Variants in PLEKHA5 observed in about 807,000 individuals in gnomAD.
The protein encoded by PLEKHA5 is pleckstrin homology domain-containing family A member 5.
Under a neutral mutation model 181.9 loss-of-function variants are expected in PLEKHA5, and 55 were observed. The ratio of observed to expected loss-of-function variants is 0.30; its 90% CI spans 0.24 to 0.38. The LOEUF (loss-of-function observed/expected upper bound fraction) is 0.38, where lower values mean the gene tolerates loss of function less well. PLEKHA5 is among the 10% of genes least tolerant of loss of function. The probability of loss-of-function intolerance (pLI) is 1.00; values close to 1 mark genes in which losing one functional copy is unlikely to be tolerated. For missense variants in PLEKHA5, 1,432 were observed against 1,549.5 expected (o/e 0.92, Z 1.27); for synonymous variants, 535 against 529.4 (o/e 1.01, Z -0.15).
chr12:19,356,401 C>G lies in PLEKHA5; in HGVS notation c.3139-1827C>G, dbSNP rs1195803883. Among the ~76,000 whole-genome samples the G allele has an allele frequency of 2.0e-5, 3 of 151,866 alleles. No individual in the cohort carries two copies. The East Asian group carries it at 5.8e-4, about 29-fold the overall frequency. ...AGGCATGGTGGCCTGTGCCTATGGT[C>G]TCACCTACTCAAGAAGCTGAGATAG... is the stretch of plus-strand genomic sequence containing the variant. On this transcript the variant is annotated intron_variant, in intron 26 of 31. Transcript: ENST00000429027.
At chr12:19,335,013 G>C (rs1375137887) in intron 20 of PLEKHA5, among the ~76,000 whole-genome samples, 2 of 107,484 alleles carry the variant, frequency 1.9e-5, no homozygotes, top group African/African-American at 6.3e-5. Flanking sequence ...AGACTGGCAA[G>C]ATAGCTTCAG....
intron 3 of PLEKHA5, among the ~76,000 whole-genome samples, chr12:19,145,772 G>C (rs1255374744): frequency 6.6e-6 from 1 of 151,740 alleles, no homozygotes; most frequent in Non-Finnish European, 1.5e-5. Flanking sequence ...TAAAACAGTT[G>C]TTTTATAAAA....
At chr12:19,290,236 T>A (rs1023903212) in intron 13 of PLEKHA5, among the ~76,000 whole-genome samples, 4 of 152,190 alleles carry the variant, frequency 2.6e-5, no homozygotes, top group African/African-American at 7.2e-5. Context: ...CGGACTACAT[T>A]TATTTTAATT....
intron 3 of PLEKHA5, among the ~76,000 whole-genome samples, chr12:19,223,267 G>T (rs2059245634): frequency 6.6e-6 from 1 of 152,110 alleles, no homozygotes; most frequent in Admixed American, 6.5e-5. Flanking sequence ...CTGGTGGACA[G>T]TGATCATAAA....
chr12:19,221,581 T>C (rs2058937544), intron 3 of PLEKHA5, among the ~76,000 whole-genome samples: 1 of 152,128 alleles, frequency 6.6e-6, no homozygotes, highest in South Asian at 2.1e-4. Flanking sequence ...TCAAAACCCA[T>C]TGAAGTTTAC....
intron 13 of PLEKHA5, 127 bp from the exon 14 acceptor site, chr12:19,290,550 C>A: frequency 4.3e-6 from 3 of 699,352 alleles, no homozygotes; most frequent in Non-Finnish European, 4.6e-6. Flanking sequence ...ATCATAGTGC[C>A]TAGGCACTAT....
chr12:19,141,698 A>G (rs1267161808), intron 3 of PLEKHA5, among the ~76,000 whole-genome samples: 1 of 152,196 alleles, frequency 6.6e-6, no homozygotes, highest in Non-Finnish European at 1.5e-5. Context: ...AAGAATGAGT[A>G]GAAGCCAGTC....
chr12:19,209,305 A>G (rs548992643), intron 3 of PLEKHA5, among the ~76,000 whole-genome samples: 44 of 152,322 alleles, frequency 2.9e-4, no homozygotes, highest in African/African-American at 1.0e-3. Context: ...ACAAATGGAT[A>G]ACTCATTTTA....
intron 3 of PLEKHA5, among the ~76,000 whole-genome samples, chr12:19,242,067 G>T (rs1312881055): frequency 6.6e-6 from 1 of 152,156 alleles, no homozygotes; most frequent in African/African-American, 2.4e-5. Flanking sequence ...AAGCACTTTT[G>T]CTTTTAATTT....
At chr12:19,197,915 A>T (rs369248537) in intron 3 of PLEKHA5, among the ~76,000 whole-genome samples, 20 of 152,036 alleles carry the variant, frequency 1.3e-4, no homozygotes, top group East Asian at 9.7e-4. Flanking sequence ...TCTTTCCTTC[A>T]GTTAACATCA....
intron 3 of PLEKHA5, among the ~76,000 whole-genome samples, chr12:19,212,958 G>C (rs554124603): frequency 6.6e-6 from 1 of 150,858 alleles, no homozygotes; most frequent in African/African-American, 2.4e-5. Context: ...TTTCAGTCTT[G>C]TTCCAGTACC....
chr12:19,139,217 C>CT (rs1296393626), intron 3 of PLEKHA5, among the ~76,000 whole-genome samples: 3 of 152,114 alleles, frequency 2.0e-5, no homozygotes, highest in Non-Finnish European at 4.4e-5. Flanking sequence ...GCCTTTGTGT[C>CT]TGAGTGTCTA....
intron 2 of PLEKHA5, 108 bp from the exon 3 acceptor site, chr12:19,132,285 T>C: frequency 1.5e-6 from 1 of 671,626 alleles, no homozygotes; most frequent in South Asian, 1.7e-5. Context: ...TTGTTAGTAA[T>C]CTACTTAATT....
chr12:19,214,511 A>T (rs949883491), intron 3 of PLEKHA5, among the ~76,000 whole-genome samples: 4 of 152,186 alleles, frequency 2.6e-5, no homozygotes, highest in African/African-American at 9.7e-5. Flanking sequence ...GCTGGTACAT[A>T]GGAGCCAGTA....
chr12:19,176,058 C>A (rs1189866393), intron 3 of PLEKHA5, among the ~76,000 whole-genome samples: 1 of 151,974 alleles, frequency 6.6e-6, no homozygotes, highest in Non-Finnish European at 1.5e-5. Context: ...AATTAAATAA[C>A]CTTCAAAATA....
chr12:19,313,252 G>A (rs1038279609), intron 15 of PLEKHA5, among the ~76,000 whole-genome samples: 11 of 152,130 alleles, frequency 7.2e-5, no homozygotes, highest in African/African-American at 2.7e-4. Context: ...GCATGTGCCT[G>A]TAGTCCTAGC....
intron 31 of PLEKHA5, chr12:19,372,979 G>C (rs2095622041): frequency 6.6e-6 from 1 of 152,014 alleles, no homozygotes; most frequent in Non-Finnish European, 1.5e-5. Flanking sequence ...TGTTGCCCAG[G>C]CTGGTCTCAA....
intron 22 of PLEKHA5, among the ~76,000 whole-genome samples, chr12:19,344,773 A>G (rs183591988): frequency 1.4e-3 from 217 of 152,262 alleles, no homozygotes; most frequent in African/African-American, 5.1e-3. Context: ...CCAATTCTGA[A>G]AACAATAAGT....
chr12:19,135,502 T>C (rs989892666), intron 3 of PLEKHA5, among the ~76,000 whole-genome samples: 2 of 152,184 alleles, frequency 1.3e-5, no homozygotes, highest in African/African-American at 4.8e-5. Flanking sequence ...GCGGGAAATA[T>C]GGAAAGCTAG....
Sources: gnomAD v4.1 joint callset for allele counts (sites outside exome capture counted in the v4.1 genomes callset) on GRCh38, gnomAD v4.1.1 for gene constraint, MANE v1.5 for transcripts, NCBI Gene and HGNC (gene_info 2026-07-23, HGNC 2026-07-21) for gene names.